Variants in FSHR observed in about 807,000 individuals in gnomAD.
The protein encoded by FSHR is follicle stimulating hormone receptor.
A neutral mutation model predicts 52.1 loss-of-function variants in FSHR; 46 were observed. The observed-to-expected ratio is 0.88, with a 90% CI of 0.70 to 1.13. The LOEUF is 1.13. Among genes scored for constraint, FSHR ranks in the 50% most tolerant of loss-of-function variants. FSHR has a pLI of 0.00. For missense variants in FSHR, 964 were observed against 834.6 expected, an observed-to-expected ratio of 1.16 and a Z score of -1.91; for synonymous variants, 399 against 309.6, an observed-to-expected ratio of 1.29 and a Z score of -3.03.
chr2:49,035,368 T>C (rs1342880002), intron 2 of FSHR, among the ~76,000 whole-genome samples: 2 of 152,228 alleles, frequency 1.3e-5, no homozygotes, highest in South Asian at 2.1e-4. Flanking sequence ...CCAAGGACAA[T>C]TGGCATTTTA....
intron 4 of FSHR, among the ~76,000 whole-genome samples, chr2:49,009,867 AC>A (rs1393315944): frequency 1.3e-5 from 1 of 79,980 alleles, no homozygotes; most frequent in East Asian, 5.1e-4. Flanking sequence ...TGATTTTTGT[AC>A]GTTGATTTTG....
chr2:49,110,178 C>A (rs893018241), intron 1 of FSHR, among the ~76,000 whole-genome samples: 11 of 152,126 alleles, frequency 7.2e-5, no homozygotes, highest in Non-Finnish European at 1.2e-4. Context: ...TTCCTATATG[C>A]CAAGCATGGT....
At chr2:49,017,864 G>A (rs1186308543) in intron 3 of FSHR, among the ~76,000 whole-genome samples, 2 of 152,164 alleles carry the variant, frequency 1.3e-5, no homozygotes, top group South Asian at 4.1e-4. Context: ...TTGTCACCCT[G>A]AGCAGAGCTG....
chr2:49,144,172 T>C (rs1004113214), intron 1 of FSHR, among the ~76,000 whole-genome samples: 1 of 152,162 alleles, frequency 6.6e-6, no homozygotes, highest in Admixed American at 6.6e-5. Context: ...AGTAGGAATT[T>C]GGAAGAATCT....
intron 1 of FSHR, among the ~76,000 whole-genome samples, chr2:49,147,849 G>C (rs1471397220): frequency 6.6e-6 from 1 of 151,818 alleles, no homozygotes; most frequent in African/African-American, 2.4e-5. Flanking sequence ...TTTATGTCAA[G>C]AGAAAGGATT....
chr2:48,967,901 G>A (rs983469633), intron 9 of FSHR, among the ~76,000 whole-genome samples: 21 of 152,212 alleles, frequency 1.4e-4, no homozygotes, highest in African/African-American at 3.9e-4. Context: ...CATTTGATGA[G>A]TGCAACTACA....
intron 2 of FSHR, among the ~76,000 whole-genome samples, chr2:49,042,282 G>T (rs1029509699): frequency 1.3e-5 from 2 of 152,106 alleles, no homozygotes; most frequent in African/African-American, 4.8e-5. Flanking sequence ...ACCTGTGGCT[G>T]GTCTGCCACC....
At chr2:49,120,289 G>C (rs546700244) in intron 1 of FSHR, among the ~76,000 whole-genome samples, 71 of 152,138 alleles carry the variant, frequency 4.7e-4, no homozygotes, top group African/African-American at 1.6e-3. Flanking sequence ...AAACAAAAAG[G>C]AAAGGAAACT....
intron 2 of FSHR, among the ~76,000 whole-genome samples, chr2:49,064,088 T>TGTGTG (rs1367786759): frequency 1.7e-5 from 2 of 116,596 alleles, no homozygotes; most frequent in South Asian, 3.1e-4. Context: ...GTGTGTGTGT[T>TGTGTG]TGCACATGCA....
At chr2:49,096,951 C>T (rs1670841629) in intron 1 of FSHR, among the ~76,000 whole-genome samples, 1 of 152,128 alleles carries the variant, frequency 6.6e-6, no homozygotes, top group South Asian at 2.1e-4. Flanking sequence ...TATAAGTTTC[C>T]CAAGGTCTCC....
chr2:49,094,877 A>C (rs1670762816), intron 1 of FSHR, among the ~76,000 whole-genome samples: 2 of 152,070 alleles, frequency 1.3e-5, no homozygotes, highest in African/African-American at 2.4e-5. Flanking sequence ...AATCATTATT[A>C]TTGGACACTT....
chr2:49,055,899 A>C (rs968715566), intron 2 of FSHR, among the ~76,000 whole-genome samples: 2 of 152,128 alleles, frequency 1.3e-5, no homozygotes, highest in South Asian at 4.1e-4. Flanking sequence ...CAAACAAGAA[A>C]TGCTTAAAGG....
intron 1 of FSHR, among the ~76,000 whole-genome samples, chr2:49,086,357 CA>C (rs1670392480): frequency 6.6e-6 from 1 of 152,192 alleles, no homozygotes; most frequent in Non-Finnish European, 1.5e-5. Flanking sequence ...TACACTCTCA[CA>C]TAATCACAAT....
chr2:48,991,203 A>G (rs747612562), intron 4 of FSHR, among the ~76,000 whole-genome samples: 1 of 152,164 alleles, frequency 6.6e-6, no homozygotes, highest in African/African-American at 2.4e-5. Context: ...AGACCTACCC[A>G]GGATCCTTCC....
At chr2:49,048,067 G>T (rs926123286) in intron 2 of FSHR, among the ~76,000 whole-genome samples, 6 of 151,996 alleles carry the variant, frequency 3.9e-5, no homozygotes, top group African/African-American at 1.5e-4. Flanking sequence ...TGAATTTTTA[G>T]TAGAGATGGG....
At chr2:49,000,701 C>T (rs1666841917) in intron 4 of FSHR, among the ~76,000 whole-genome samples, 1 of 152,038 alleles carries the variant, frequency 6.6e-6, no homozygotes, top group Non-Finnish European at 1.5e-5. Context: ...ATTCCTGTAC[C>T]ATGGAAAGGG....
At chr2:49,039,173 CAGT>C (rs1558405282) in intron 2 of FSHR, among the ~76,000 whole-genome samples, 1 of 152,136 alleles carries the variant, frequency 6.6e-6, no homozygotes, top group East Asian at 1.9e-4. Flanking sequence ...TTGCTGCACT[CAGT>C]AGATTCTTTT....
At chr2:49,013,057 C>T (rs770702850) in intron 4 of FSHR, among the ~76,000 whole-genome samples, 6 of 151,868 alleles carry the variant, frequency 4.0e-5, no homozygotes, top group Non-Finnish European at 8.8e-5. Context: ...CATTCTTGCT[C>T]ACTCAAGTCT....
intron 1 of FSHR, among the ~76,000 whole-genome samples, chr2:49,080,844 C>A (rs1004113069): frequency 5.3e-5 from 8 of 152,132 alleles, no homozygotes; most frequent in African/African-American, 1.4e-4. Context: ...ATACTCCCAG[C>A]CATCTCCTTT....
Sources: gnomAD v4.1 joint callset for allele counts (sites outside exome capture counted in the v4.1 genomes callset) on GRCh38, gnomAD v4.1.1 for gene constraint, MANE v1.5 for transcripts, NCBI Gene and HGNC (gene_info 2026-07-23, HGNC 2026-07-21) for gene names.